Variants in ADGRL3 observed in about 807,000 individuals in gnomAD.
ADGRL3 encodes the protein calcium-independent alpha-latrotoxin receptor 3.
ADGRL3 carries 62 observed loss-of-function variants against 153.5 expected under a neutral mutation model. That is an observed-to-expected ratio of 0.40 (90% CI 0.33 to 0.50). ADGRL3 has a LOEUF of 0.50. Among genes scored for constraint, ADGRL3 ranks in the 20% least tolerant of loss-of-function variants. The probability of loss-of-function intolerance (pLI) is 0.47; values close to 1 mark genes in which losing one functional copy is unlikely to be tolerated. For missense variants in ADGRL3, 1,641 were observed against 1,859.4 expected (o/e 0.88, Z 2.16); for synonymous variants, 710 against 672.5 (o/e 1.06, Z -0.86).
chr4:61,681,005 T>G (rs939454846), intron 6 of ADGRL3, among the ~76,000 whole-genome samples: 2 of 152,114 alleles, frequency 1.3e-5, no homozygotes, highest in Non-Finnish European at 1.5e-5. Flanking sequence ...GGAGGTTTGA[T>G]GTTCTTCCTT....
intron 9 of ADGRL3, among the ~76,000 whole-genome samples, chr4:61,843,756 A>G (rs2098070121): frequency 6.6e-6 from 1 of 152,190 alleles, no homozygotes; most frequent in South Asian, 2.1e-4. Flanking sequence ...TCGTGCCTGC[A>G]ATTCCAGCAT....
At chr4:61,895,289 A>T (rs1259291490) in intron 10 of ADGRL3, among the ~76,000 whole-genome samples, 1 of 152,102 alleles carries the variant, frequency 6.6e-6, no homozygotes, top group Non-Finnish European at 1.5e-5. Flanking sequence ...AATATGGTGA[A>T]ACCCTGCCTC....
intron 5 of ADGRL3, among the ~76,000 whole-genome samples, chr4:61,653,121 A>G (rs2094319470): frequency 6.9e-6 from 1 of 145,568 alleles, no homozygotes; most frequent in Non-Finnish European, 1.5e-5. Context: ...TAAGAAGAGA[A>G]AGAGAAAGCC....
rs1459120503 is a variant in ADGRL3, at chr4:61,517,354, C to T, written c.95C>T (p.Pro32Leu). 2.8e-6 allele frequency: 2 copies of T among 704,700 alleles called. No homozygotes were observed. The highest frequency in any genetic ancestry group is 5.2e-6 in the Non-Finnish European group (2 of 386,786). The allele number at this position is 704,700 out of a possible 1,614,324, so 43.7% of individuals were successfully genotyped here. The change falls in exon 4 of 27, where the codon CCA (proline) becomes CTA (leucine). Residue 32 changes from proline to leucine, a missense_variant. Coordinates refer to ENST00000683033, the MANE Select transcript of ADGRL3 (RefSeq NM_001387552.1). ...HSERHPALAA[P>L]LRHAERSPGG... ...GAACGACATCCTGCCCTTGCTGCTCCATTGCGACACGCTGAGCGCAGCCCA... is the reference window on the plus strand; with the variant it reads ...GAACGACATCCTGCCCTTGCTGCTCTATTGCGACACGCTGAGCGCAGCCCA...
chr4:61,218,995 T>C (rs1744157584), intron 1 of ADGRL3, among the ~76,000 whole-genome samples: 2 of 152,182 alleles, frequency 1.3e-5, no homozygotes, highest in Non-Finnish European at 2.9e-5. Context: ...GTAGACATAA[T>C]TGGAGGAGGC....
chr4:61,909,731 C>T lies in ADGRL3; in HGVS notation c.2059C>T (p.Arg687Trp), dbSNP rs1298015682. The part of the protein sequence containing the change: ...LTPGGKDSAA[R>W]SLNKLQKRER... ...CCCAGGTGGAAAAGATAGTGCTGCC[C>T]GGAGTTTGAACAAGGTAAGGACCCT... is the stretch of plus-strand genomic sequence containing the variant. The change falls in exon 12 of 27, where the codon CGG (arginine) becomes TGG (tryptophan). Residue 687 changes from arginine to tryptophan, a missense_variant. Around this residue, in one of 5 missense-constraint regions of ADGRL3, gnomAD observed 734 missense variants for 797.0 expected, o/e 0.92. Transcript: ENST00000683033. 4.5e-6 allele frequency: 7 copies of T among 1,554,912 alleles called. No homozygotes were observed. The highest frequency in any genetic ancestry group is 1.7e-4 in the Middle Eastern group (1 of 5,952).
chr4:61,248,147 T>C (rs1164308626), intron 1 of ADGRL3, among the ~76,000 whole-genome samples: 1 of 152,128 alleles, frequency 6.6e-6, no homozygotes, highest in Non-Finnish European at 1.5e-5. Context: ...CTCATTTGCT[T>C]TTCTTTGCTT....
At chr4:61,598,630 A>G (rs1353624290) in intron 5 of ADGRL3, among the ~76,000 whole-genome samples, 1 of 152,202 alleles carries the variant, frequency 6.6e-6, no homozygotes, top group Non-Finnish European at 1.5e-5. Flanking sequence ...CGCTGTTGGC[A>G]TCCATGTGAA....
At chr4:61,830,373 C>A (rs769190188) in intron 9 of ADGRL3, among the ~76,000 whole-genome samples, 2 of 152,112 alleles carry the variant, frequency 1.3e-5, no homozygotes, top group African/African-American at 4.8e-5. Context: ...TCTCTCTAAA[C>A]AAACAAACAA....
chr4:61,579,337 G>A (rs947440232), intron 4 of ADGRL3, among the ~76,000 whole-genome samples: 2 of 152,060 alleles, frequency 1.3e-5, no homozygotes, highest in African/African-American at 4.8e-5. Flanking sequence ...TTAAGAACAT[G>A]TTAAACAGCC....
chr4:61,589,427 G>A (rs183234774), intron 5 of ADGRL3, among the ~76,000 whole-genome samples: 11 of 152,124 alleles, frequency 7.2e-5, no homozygotes, highest in African/African-American at 1.4e-4. Context: ...ACACTATTAC[G>A]CCAACCACAG....
chr4:61,335,092 G>A (rs1243576517), intron 1 of ADGRL3, among the ~76,000 whole-genome samples: 1 of 151,990 alleles, frequency 6.6e-6, no homozygotes, highest in South Asian at 2.1e-4. Flanking sequence ...TTTGGAAGGG[G>A]TTGCTTAAAA....
At chr4:61,726,210 G>GTTTTTTTTTTGTTTTTTTTTTTTT in intron 6 of ADGRL3, among the ~76,000 whole-genome samples, 1 of 118,526 alleles carries the variant, frequency 8.4e-6, no homozygotes, top group East Asian at 2.6e-4. Flanking sequence ...TTTTTTTTTT[G>GTTTTTTTTTTGTTTTTTTTTTTTT]TTTTTTGAGA....
intron 8 of ADGRL3, among the ~76,000 whole-genome samples, chr4:61,734,312 G>A (rs2096481641): frequency 1.3e-5 from 2 of 151,660 alleles, no homozygotes; most frequent in African/African-American, 4.9e-5. Flanking sequence ...TTTTTAGCTA[G>A]TGTGTTATGT....
At chr4:61,431,438 G>A (rs544498063) in intron 2 of ADGRL3, among the ~76,000 whole-genome samples, 2 of 152,170 alleles carry the variant, frequency 1.3e-5, no homozygotes, top group African/African-American at 4.8e-5. Flanking sequence ...CTAAGATAGA[G>A]GACAACTCTT....
intron 4 of ADGRL3, among the ~76,000 whole-genome samples, chr4:61,583,257 T>C (rs1255570732): frequency 1.3e-5 from 2 of 152,032 alleles, no homozygotes; most frequent in Non-Finnish European, 2.9e-5. Flanking sequence ...CACCTGACTC[T>C]TGATCGGTCA....
intron 5 of ADGRL3, among the ~76,000 whole-genome samples, chr4:61,669,507 CCTAAA>C (rs2094919605): frequency 6.6e-6 from 1 of 152,100 alleles, no homozygotes; most frequent in South Asian, 2.1e-4. Context: ...ACTGTGATCA[CCTAAA>C]CTATTTTGAG....
intron 18 of ADGRL3, among the ~76,000 whole-genome samples, chr4:61,980,827 A>G (rs1317480714): frequency 1.3e-5 from 2 of 152,236 alleles, no homozygotes; most frequent in Admixed American, 1.3e-4. Flanking sequence ...GTGCTAAATA[A>G]TATCCCGTTG....
chr4:61,551,581 T>C (rs1435260504), intron 4 of ADGRL3, among the ~76,000 whole-genome samples: 1 of 152,208 alleles, frequency 6.6e-6, no homozygotes, highest in Non-Finnish European at 1.5e-5. Context: ...TCATGAGAGT[T>C]GGATGTGACT....
Sources: allele counts gnomAD v4.1 joint callset (sites outside exome capture counted in the v4.1 genomes callset), GRCh38; gene constraint gnomAD v4.1.1; regional missense constraint gnomAD v4.1.1; transcripts MANE v1.5; gene names NCBI Gene and HGNC (gene_info 2026-07-23, HGNC 2026-07-21).